The following CSMD1 variants were observed in gnomAD, a reference collection of about 807,000 sequenced individuals.
The protein encoded by CSMD1 is CUB and Sushi multiple domains 1, also known as CUB and sushi domain-containing protein 1.
In CSMD1, 213 loss-of-function variants were observed where a neutral mutation model predicts 417.5. That is an observed-to-expected ratio of 0.51 (90% confidence interval 0.46 to 0.57). The LOEUF is 0.57. CSMD1 is among the 20% of genes least tolerant of loss of function. CSMD1 has a pLI of 0.00. For synonymous variants in CSMD1, 2,862 were observed against 1,736.8 expected (o/e 1.65, Z -16.11); for missense variants, 6,923 against 4,529.7 (o/e 1.53, Z -15.17).
intron 3 of CSMD1, among the ~76,000 whole-genome samples, chr8:4,039,907 A>G (rs1797800198): frequency 6.6e-6 from 1 of 152,206 alleles, no homozygotes; most frequent in Admixed American, 6.5e-5. Flanking sequence ...TACATCTTAG[A>G]AAGGGGAATG....
At chr8:3,074,507 C>T (rs989275842) in intron 49 of CSMD1, among the ~76,000 whole-genome samples, 1 of 152,188 alleles carries the variant, frequency 6.6e-6, no homozygotes, top group Admixed American at 6.5e-5. Context: ...GCCGTCACAC[C>T]TGTAGTGGAG....
chr8:4,489,471 G>T (rs141763410), intron 2 of CSMD1, among the ~76,000 whole-genome samples: 2 of 152,152 alleles, frequency 1.3e-5, no homozygotes, highest in African/African-American at 2.4e-5. Context: ...GTGCTGAGGG[G>T]AACACCATAT....
chr8:3,008,278 G>A (rs192331434), intron 52 of CSMD1, among the ~76,000 whole-genome samples: 1 of 152,316 alleles, frequency 6.6e-6, no homozygotes, highest in East Asian at 1.9e-4. Flanking sequence ...GAAAGTGGCT[G>A]AATTCCCTTT....
chr8:4,080,945 T>G (rs1026767651), intron 3 of CSMD1, among the ~76,000 whole-genome samples: 2 of 152,194 alleles, frequency 1.3e-5, no homozygotes, highest in Non-Finnish European at 2.9e-5. Flanking sequence ...CTCTGGGGAC[T>G]CTACCCTCCT....
In CSMD1 at chr8:4,527,051, T is replaced by A. The variant is rs187458275; in HGVS notation, c.303-106986A>T. On this transcript the variant is annotated intron_variant, in intron 2 of 69. Transcript: ENST00000635120. ...TAATATTTCATATTTTTCTTTCCCT[T>A]TCTTTGTGTGTCTGGATCCAAGACA... is the stretch of plus-strand genomic sequence containing the variant. Among the ~76,000 whole-genome samples, 5 of 152,314 alleles carry A rather than the reference T, an allele frequency of 3.3e-5. No homozygotes were observed. In the East Asian group the frequency reaches 9.7e-4, roughly 29 times the overall value.
At chr8:3,920,790 G>A (rs369621717) in intron 5 of CSMD1, among the ~76,000 whole-genome samples, 24 of 152,084 alleles carry the variant, frequency 1.6e-4, no homozygotes, top group Admixed American at 9.2e-4. Flanking sequence ...ATTTGCGTAT[G>A]TTAAAACAAC....
chr8:4,023,337 T>A (rs952132814), intron 4 of CSMD1, among the ~76,000 whole-genome samples: 11 of 152,182 alleles, frequency 7.2e-5, no homozygotes, highest in African/African-American at 1.4e-4. Flanking sequence ...TTGAGCCCAT[T>A]AATACTGTAT....
chr8:4,438,663 T>C (rs996783304), intron 2 of CSMD1, among the ~76,000 whole-genome samples: 1 of 152,218 alleles, frequency 6.6e-6, no homozygotes, highest in Non-Finnish European at 1.5e-5. Flanking sequence ...TTGGAATTCC[T>C]GCAGGTAGAG....
intron 51 of CSMD1, among the ~76,000 whole-genome samples, chr8:3,020,504 G>C (rs1178531491): frequency 6.6e-6 from 1 of 152,082 alleles, no homozygotes; most frequent in Non-Finnish European, 1.5e-5. Flanking sequence ...AAGTACCTTA[G>C]TGCATGGGCA....
chr8:3,067,978 T>C (rs1813059022), intron 49 of CSMD1, among the ~76,000 whole-genome samples: 1 of 152,184 alleles, frequency 6.6e-6, no homozygotes, highest in Non-Finnish European at 1.5e-5. Context: ...CTGAAGTGTG[T>C]GTTCCTTCCC....
intron 33 of CSMD1, among the ~76,000 whole-genome samples, chr8:3,199,054 T>C (rs1796852494): frequency 6.6e-6 from 1 of 152,236 alleles, no homozygotes; most frequent in African/African-American, 2.4e-5. Context: ...ATGAACAGTT[T>C]ATGTGGTCAT....
At chr8:3,852,880 C>A (rs1804013561) in intron 5 of CSMD1, among the ~76,000 whole-genome samples, 1 of 152,162 alleles carries the variant, frequency 6.6e-6, no homozygotes, top group African/African-American at 2.4e-5. Flanking sequence ...AGCATCCACG[C>A]AGGTTCCTAT....
rs1391137181 is a variant in CSMD1, at chr8:4,551,987, G to T, written c.302+85355C>A. On this transcript the variant is annotated intron_variant, in intron 2 of 69. Coordinates refer to ENST00000635120, the MANE Select transcript of CSMD1 (RefSeq NM_033225.6). ...CAGGCATGAGCCACTGCTCCTAGCTGGTCACATTCTTTAGCAAACTAAAAG... is the reference window on the plus strand; with the variant it reads ...CAGGCATGAGCCACTGCTCCTAGCTTGTCACATTCTTTAGCAAACTAAAAG... Among the ~76,000 whole-genome samples the T allele has an allele frequency of 2.6e-5, 4 of 151,564 alleles. No individual in the cohort carries two copies. The East Asian group carries it at 7.8e-4, about 30-fold the overall frequency.
At chr8:3,916,510 C>T (rs549877858) in intron 5 of CSMD1, among the ~76,000 whole-genome samples, 28 of 152,238 alleles carry the variant, frequency 1.8e-4, no homozygotes, top group African/African-American at 6.7e-4. Flanking sequence ...GAATTAACTT[C>T]CTACTTAGGG....
intron 23 of CSMD1, among the ~76,000 whole-genome samples, chr8:3,333,309 A>T (rs1029739471): frequency 1.6e-4 from 24 of 152,202 alleles, no homozygotes; most frequent in African/African-American, 5.5e-4. Context: ...TCAGGCCCCT[A>T]CACGTGTGGT....
intron 5 of CSMD1, among the ~76,000 whole-genome samples, chr8:3,877,077 C>A (rs565342154): frequency 5.3e-4 from 81 of 152,300 alleles, no homozygotes; most frequent in African/African-American, 1.9e-3. Context: ...TCTTAAGGTT[C>A]TTACAAGGGA....
chr8:4,816,379 G>C (rs1171935992), intron 1 of CSMD1, among the ~76,000 whole-genome samples: 2 of 151,898 alleles, frequency 1.3e-5, no homozygotes, highest in African/African-American at 4.8e-5. Flanking sequence ...CAAAGCGGGA[G>C]ATGGGGGGCT....
In CSMD1 at chr8:3,289,175, C is replaced by T. The variant is rs1236343208; in HGVS notation, c.3951-4829G>A. Among the ~76,000 whole-genome samples the T allele has an allele frequency of 2.7e-5, 4 of 147,606 alleles. 1 individual carries two copies. The highest frequency in any genetic ancestry group is 3.9e-4 in the East Asian group (2 of 5,108). On this transcript the variant is annotated intron_variant, in intron 25 of 69. Transcript: ENST00000635120. The stretch of plus-strand genomic sequence containing the variant: ...ATGAACTCATCATTTTTTATGGCTG[C>T]ATAGTATTCCATGGTGTATATGTGC...
intron 5 of CSMD1, among the ~76,000 whole-genome samples, chr8:3,894,251 A>T (rs1203155538): frequency 1.3e-5 from 2 of 152,204 alleles, no homozygotes; most frequent in Admixed American, 1.3e-4. Flanking sequence ...CAACATCTGC[A>T]GTCCCATCTC....
Sources: gnomAD v4.1 joint callset for allele counts (sites outside exome capture counted in the v4.1 genomes callset) on GRCh38, gnomAD v4.1.1 for gene constraint, MANE v1.5 for transcripts, NCBI Gene and HGNC (gene_info 2026-07-23, HGNC 2026-07-21) for gene names.